GINS3: variants seen among roughly 807,000 people sequenced by gnomAD.
The protein encoded by GINS3 is GINS complex subunit 3, also known as DNA replication complex GINS protein PSF3.
GINS3 carries 18 observed loss-of-function variants against 20.0 expected under a neutral mutation model. The ratio of observed to expected loss-of-function variants is 0.90; its 90% CI spans 0.62 to 1.33. The LOEUF is 1.33. Ranked by LOEUF, GINS3 falls within the 40% of genes most tolerant of loss-of-function variation. GINS3 has a pLI of 0.00. For synonymous variants in GINS3, 109 were observed against 107.0 expected (o/e 1.02, Z -0.12); for missense variants, 254 against 273.6 (o/e 0.93, Z 0.51).
chr16:58,395,078 T>C (rs1333928370), intron 1 of GINS3: 8 of 209,428 alleles, frequency 3.8e-5, no homozygotes, highest in Middle Eastern at 1.4e-3. Context: ...TTTATCTAAT[T>C]TTTTTTTTTT....
chr16:58,394,153 A>G (rs1378974684), intron 1 of GINS3, among the ~76,000 whole-genome samples: 2 of 151,940 alleles, frequency 1.3e-5, no homozygotes, highest in Non-Finnish European at 2.9e-5. Context: ...CCCTTTTTCT[A>G]TTCTAGGATT....
At chr16:58,395,071 A>C in intron 1 of GINS3, 1 of 514,410 alleles carries the variant, frequency 1.9e-6, no homozygotes, top group Non-Finnish European at 3.4e-6. Context: ...TGACCATTTT[A>C]TCTAATTTTT....
intron 1 of GINS3, among the ~76,000 whole-genome samples, chr16:58,397,064 G>T (rs1396803653): frequency 1.3e-5 from 2 of 149,258 alleles, no homozygotes; most frequent in South Asian, 4.2e-4. Context: ...CCGGGCGGGG[G>T]GCTGACCCCC....
chr16:58,395,378 G>T (rs928452663), intron 1 of GINS3, among the ~76,000 whole-genome samples: 3 of 149,000 alleles, frequency 2.0e-5, no homozygotes, highest in African/African-American at 7.4e-5. Context: ...TTCTCGCAAA[G>T]GGGGATTTGG....
At chr16:58,395,075 A>AT in intron 1 of GINS3, 16 of 517,788 alleles carry the variant, frequency 3.1e-5, no homozygotes, top group South Asian at 7.8e-5. Context: ...CATTTTATCT[A>AT]ATTTTTTTTT....
intron 1 of GINS3, among the ~76,000 whole-genome samples, chr16:58,399,712 A>G (rs1965929784): frequency 6.6e-6 from 1 of 151,936 alleles, no homozygotes; most frequent in South Asian, 2.1e-4. Context: ...TTCCTTTTGC[A>G]TTAATCAAAT....
At chr16:58,403,910 G>A (rs552442814) in intron 2 of GINS3, 4 of 159,408 alleles carry the variant, frequency 2.5e-5, no homozygotes, top group South Asian at 3.6e-4. Context: ...ATATGACTTG[G>A]TCAAGCTACT....
rs776961029 is a variant in GINS3 at position 58,404,622 on chromosome 16, G to C, written c.544G>C (p.Gly182Arg). 6.2e-7 allele frequency: 1 copy of C among 1,614,048 alleles called. No individual in the cohort carries two copies. The change falls in exon 3 of 3, where the codon GGA becomes CGA. Residue 182 changes from glycine to arginine, a missense_variant. Physicochemically the swap from Gly to Arg is moderately radical, Grantham distance 125. Transcript: ENST00000318129. The stretch of plus-strand genomic sequence containing the variant: ...GGGCTTATTTCAAACAGGGCAGAAA[G>C]GACTGAATGACTTTCAGTGTTGGGA... ...ERGLFQTGQK[G>R]LNDFQCWEKG...
At chr16:58,403,974 G>T (rs981388551) in intron 2 of GINS3, 1 of 158,828 alleles carries the variant, frequency 6.3e-6, no homozygotes, top group Admixed American at 5.9e-5. Flanking sequence ...TGATAATAGT[G>T]CCAAAATTAT....
At position 58,396,412 on chromosome 16, in the gene GINS3, C is replaced by T. The variant is rs1269857193; in HGVS notation, c.186+3625C>T. 7.6e-5 allele frequency among the ~76,000 whole-genome samples: 9 copies of T among 118,352 alleles called. No individual in the cohort carries two copies. The South Asian group carries it at 2.0e-3, about 27-fold the overall frequency. 77.6% of individuals were successfully genotyped at this position (118,352 alleles called of 152,430 possible). Reference sequence around the variant, plus strand: ...GGGGCTGACCCCCCCACCTCCCTCCCGGACGGGGCGGCTGGCTGGGCAGAG... The same window carrying T: ...GGGGCTGACCCCCCCACCTCCCTCCTGGACGGGGCGGCTGGCTGGGCAGAG... On this transcript the variant is annotated intron_variant, in intron 1 of 2. Transcript: ENST00000318129.
rs748568397 is a variant in GINS3, at chr16:58,403,225, A to G, written c.314A>G (p.Asn105Ser). The G allele has an allele frequency of 1.5e-5, 25 of 1,613,968 alleles. No individual in the cohort carries two copies. The highest frequency in any genetic ancestry group is 2.2e-5 in the South Asian group (2 of 91,074). ...AGGACTGTGTTCAGTGCAGATCCCA[A>G]TGTGGTGGACCTCCACAAAATGGGG... Reference protein sequence around the residue: ...GWRTVFSADPNVVDLHKMGPH... With the variant: ...GWRTVFSADPSVVDLHKMGPH... Residue 105 changes from asparagine to serine, a missense_variant, in exon 2 of 3, where the codon AAT (asparagine) becomes AGT (serine). Coordinates refer to ENST00000318129, the MANE Select transcript of GINS3 (RefSeq NM_022770.4).
intron 2 of GINS3, chr16:58,404,297 A>G (rs1965997494): frequency 1.7e-6 from 1 of 581,692 alleles, no homozygotes; most frequent in East Asian, 2.9e-5. Context: ...GATTTTCATA[A>G]CAATCCACTT....
At chr16:58,402,345 T>A (rs1840988685) in intron 1 of GINS3, among the ~76,000 whole-genome samples, 1 of 152,176 alleles carries the variant, frequency 6.6e-6, no homozygotes, top group African/African-American at 2.4e-5. Flanking sequence ...GGCCCTCATG[T>A]CCTGGTGGTG....
chr16:58,403,739 G>T (rs1965988537), intron 2 of GINS3: 1 of 182,160 alleles, frequency 5.5e-6, no homozygotes, highest in South Asian at 1.2e-4. Context: ...CTATTAAAAA[G>T]AAAAAAGAGA....
chr16:58,396,707 C>CG (rs1965872611), intron 1 of GINS3, among the ~76,000 whole-genome samples: 1 of 122,482 alleles, frequency 8.2e-6, no homozygotes, highest in Non-Finnish European at 1.7e-5. Flanking sequence ...GCTGGCCGGG[C>CG]GGGGGGCTGA....
At chr16:58,397,834 G>A (rs1045776282) in intron 1 of GINS3, among the ~76,000 whole-genome samples, 2 of 152,032 alleles carry the variant, frequency 1.3e-5, no homozygotes, top group Admixed American at 1.3e-4. Context: ...GAGAGGGAGA[G>A]GGAAAGGGAG....
At chr16:58,398,967 G>T (rs1194008584) in intron 1 of GINS3, among the ~76,000 whole-genome samples, 2 of 151,896 alleles carry the variant, frequency 1.3e-5, no homozygotes, top group African/African-American at 4.8e-5. Flanking sequence ...TAATTGTTTT[G>T]TTGAGATATT....
intron 1 of GINS3, among the ~76,000 whole-genome samples, chr16:58,399,477 C>A (rs1965927270): frequency 6.6e-6 from 1 of 151,844 alleles, no homozygotes; most frequent in Non-Finnish European, 1.5e-5. Flanking sequence ...GTTTACATGA[C>A]TTTTTTTAAT....
chr16:58,398,102 T>C (rs1965907837), intron 1 of GINS3, among the ~76,000 whole-genome samples: 1 of 152,100 alleles, frequency 6.6e-6, no homozygotes, highest in African/African-American at 2.4e-5. Flanking sequence ...TAATTAGTTC[T>C]TTCCTTCTAC....
Sources: gnomAD v4.1 joint callset for allele counts (sites outside exome capture counted in the v4.1 genomes callset) on GRCh38, gnomAD v4.1.1 for gene constraint, MANE v1.5 for transcripts, NCBI Gene and HGNC (gene_info 2026-07-23, HGNC 2026-07-21) for gene names.